The following KLF7 variants were observed in gnomAD, a reference collection of about 807,000 sequenced individuals.
KLF7 encodes the protein KLF transcription factor 7.
A neutral mutation model predicts 27.3 loss-of-function variants in KLF7; 2 were observed. The observed-to-expected ratio is 0.07, with a 90% CI of 0.03 to 0.23. The LOEUF (loss-of-function observed/expected upper bound fraction) is 0.23, where lower values mean the gene tolerates loss of function less well. Among genes scored for constraint, KLF7 ranks in the 10% least tolerant of loss-of-function variants. KLF7 has a pLI of 1.00. For missense variants in KLF7, 221 were observed against 394.1 expected, an observed-to-expected ratio of 0.56 and a Z score of 3.72; for synonymous variants, 165 against 162.4, an observed-to-expected ratio of 1.02 and a Z score of -0.12.
chr2:207,110,826 G>A (rs1405522553), intron 2 of KLF7, among the ~76,000 whole-genome samples: 6 of 152,206 alleles, frequency 3.9e-5, no homozygotes, highest in African/African-American at 1.2e-4. Context: ...GACCTGGTGG[G>A]TAGGTCATCT....
At chr2:207,081,322 A>G (rs373980981) in intron 3 of KLF7, 58 bp from the exon 4 acceptor site, 12 of 1,342,292 alleles carry the variant, frequency 8.9e-6, no homozygotes, top group Non-Finnish European at 1.3e-5. Flanking sequence ...CTTGACTTGC[A>G]TCACTCCTTA....
At chr2:207,129,727 C>G (rs1407969556) in intron 1 of KLF7, among the ~76,000 whole-genome samples, 1 of 105,420 alleles carries the variant, frequency 9.5e-6, no homozygotes, top group African/African-American at 3.7e-5. Context: ...ACAAGGAGGA[C>G]CTGACTTTTC....
chr2:207,135,193 A>C (rs1174511727), intron 1 of KLF7, among the ~76,000 whole-genome samples: 2 of 152,126 alleles, frequency 1.3e-5, no homozygotes, highest in Non-Finnish European at 2.9e-5. Flanking sequence ...CCAGGGGCCC[A>C]CTAATCTGGA....
chr2:207,158,950 T>C (rs575365332), intron 1 of KLF7, among the ~76,000 whole-genome samples: 1 of 152,340 alleles, frequency 6.6e-6, no homozygotes, highest in South Asian at 2.1e-4. Flanking sequence ...TCAGTGTTAA[T>C]AAGCTGTGTG....
chr2:207,168,266 G>A (rs180900514), upstream of KLF7, among the ~76,000 whole-genome samples: 38 of 152,312 alleles, frequency 2.5e-4, no homozygotes, highest in South Asian at 8.3e-4. Context: ...ATCGGTTAAC[G>A]TGAGTTTGAA....
At chr2:207,130,500 C>A (rs559146898) in intron 1 of KLF7, among the ~76,000 whole-genome samples, 23 of 152,324 alleles carry the variant, frequency 1.5e-4, no homozygotes, top group Non-Finnish European at 2.9e-4. Flanking sequence ...ACCTGTACCT[C>A]TGTTTTCTCA....
chr2:207,109,080 C>A (rs1312253446), intron 2 of KLF7, among the ~76,000 whole-genome samples: 1 of 152,210 alleles, frequency 6.6e-6, no homozygotes, highest in African/African-American at 2.4e-5. Context: ...TTTGCTATTT[C>A]TCATCAAGAA....
chr2:207,082,649 T>A (rs949617050), intron 3 of KLF7, among the ~76,000 whole-genome samples: 1 of 152,100 alleles, frequency 6.6e-6, no homozygotes, highest in Non-Finnish European at 1.5e-5. Flanking sequence ...GAGTGTATGC[T>A]CTCCCCCTGG....
At chr2:207,117,599 C>T (rs955425824) in intron 2 of KLF7, among the ~76,000 whole-genome samples, 1 of 152,102 alleles carries the variant, frequency 6.6e-6, no homozygotes, top group East Asian at 1.9e-4. Flanking sequence ...ATTTCAGTTG[C>T]TATTGTATAA....
chr2:207,116,237 A>G (rs1434843132), intron 2 of KLF7, among the ~76,000 whole-genome samples: 1 of 152,182 alleles, frequency 6.6e-6, no homozygotes, highest in Non-Finnish European at 1.5e-5. Context: ...ATTTCCTTAT[A>G]TGAAGTTTGT....
At chr2:207,126,792 C>T (rs914930899) in intron 1 of KLF7, among the ~76,000 whole-genome samples, 12 of 145,836 alleles carry the variant, frequency 8.2e-5, no homozygotes, top group African/African-American at 2.3e-4. Flanking sequence ...GGCAAGACAG[C>T]GAGACCCTGT....
chr2:207,125,948 T>C (rs2077465711), intron 1 of KLF7, among the ~76,000 whole-genome samples: 2 of 152,242 alleles, frequency 1.3e-5, no homozygotes, highest in African/African-American at 4.8e-5. Context: ...AATGTGTTGA[T>C]AAGTTCTTAG....
intron 3 of KLF7, among the ~76,000 whole-genome samples, chr2:207,083,849 G>A (rs566792278): frequency 2.2e-4 from 33 of 152,288 alleles, no homozygotes; most frequent in Non-Finnish European, 3.7e-4. Context: ...GGACTCAACA[G>A]CTTTAATGAT....
chr2:207,125,733 C>T (rs1397518025), intron 1 of KLF7, among the ~76,000 whole-genome samples: 1 of 152,152 alleles, frequency 6.6e-6, no homozygotes, highest in Non-Finnish European at 1.5e-5. Flanking sequence ...ATGGTAAGAA[C>T]TAATGAATGG....
chr2:207,103,655 C>A (rs984937202), intron 2 of KLF7, among the ~76,000 whole-genome samples: 1 of 152,206 alleles, frequency 6.6e-6, no homozygotes, highest in Non-Finnish European at 1.5e-5. Flanking sequence ...ACACAACTCA[C>A]CATCAGGAGA....
chr2:207,133,598 T>G (rs1332621967), intron 1 of KLF7, among the ~76,000 whole-genome samples: 1 of 152,178 alleles, frequency 6.6e-6, no homozygotes, highest in African/African-American at 2.4e-5. Flanking sequence ...AAGAGCAGTT[T>G]TCTTGACGAG....
chr2:207,131,318 T>A (rs544446292), intron 1 of KLF7, among the ~76,000 whole-genome samples: 1 of 152,312 alleles, frequency 6.6e-6, no homozygotes, highest in South Asian at 2.1e-4. Context: ...ATTGTGTGGT[T>A]TTTGTCACAT....
intron 2 of KLF7, among the ~76,000 whole-genome samples, chr2:207,117,854 A>G (rs1252594435): frequency 6.6e-6 from 1 of 152,156 alleles, no homozygotes; most frequent in Admixed American, 6.6e-5. Flanking sequence ...GCTGCCTCTG[A>G]CTGCTGCTGC....
chr2:207,129,555 T>C (rs189324884), intron 1 of KLF7, among the ~76,000 whole-genome samples: 16 of 152,346 alleles, frequency 1.1e-4, no homozygotes, highest in Admixed American at 1.0e-3. Context: ...GAAATTCATA[T>C]TGAACTGCTC....
Sources: allele counts gnomAD v4.1 joint callset (sites outside exome capture counted in the v4.1 genomes callset), GRCh38; gene constraint gnomAD v4.1.1; transcripts MANE v1.5; gene names NCBI Gene and HGNC (gene_info 2026-07-23, HGNC 2026-07-21).